The following PXDNL variants were observed in gnomAD, a reference collection of about 807,000 sequenced individuals.
PXDNL encodes probable oxidoreductase PXDNL.
A neutral mutation model predicts 150.8 loss-of-function variants in PXDNL; 145 were observed. That is an observed-to-expected ratio of 0.96 (90% CI 0.84 to 1.10). The LOEUF is 1.10. Among genes scored for constraint, PXDNL ranks in the 50% least tolerant of loss-of-function variants. The pLI is 0.00. For missense variants in PXDNL, 2,087 were observed against 1,873.9 expected (o/e 1.11, Z -2.10); for synonymous variants, 757 against 725.7 (o/e 1.04, Z -0.69).
At chr8:51,766,745 A>ATTT (rs1563314832) in intron 1 of PXDNL, among the ~76,000 whole-genome samples, 11 of 147,872 alleles carry the variant, frequency 7.4e-5, no homozygotes, top group South Asian at 2.1e-4. Flanking sequence ...CTTTTTTTTA[A>ATTT]AAAAAAAAGA....
At chr8:51,536,185 C>A (rs868843694) in intron 4 of PXDNL, among the ~76,000 whole-genome samples, 3 of 152,106 alleles carry the variant, frequency 2.0e-5, no homozygotes, top group African/African-American at 7.2e-5. Flanking sequence ...GGGGATAAAA[C>A]GAGGAGGCTA....
chr8:51,558,627 G>T (rs1286742196), intron 3 of PXDNL, among the ~76,000 whole-genome samples: 1 of 151,906 alleles, frequency 6.6e-6, no homozygotes, highest in Non-Finnish European at 1.5e-5. Flanking sequence ...AAAACTAAAG[G>T]TTTCCCATAA....
rs533757469 is a variant in PXDNL, at chr8:51,457,550, G to T, written c.930C>A (p.Ser310=). 4 of 1,613,538 alleles carry T rather than the reference G, an allele frequency of 2.5e-6. No individual in the cohort carries two copies. The South Asian group carries it at 3.3e-5, about 13-fold the overall frequency. The change falls in exon 9 of 23, where the codon TCC becomes TCA. Residue 310 remains serine (S), a synonymous_variant. Transcript: ENST00000356297. Reference sequence around the variant, plus strand: ...CACTCTGTGTCTTGGCTTCCCCAGCGGAATTTCTGGCCATGCACTGATAGA... The same window carrying T: ...CACTCTGTGTCTTGGCTTCCCCAGCTGAATTTCTGGCCATGCACTGATAGA... ...QGVYQCMARN[S]AGEAKTQSAM...
intron 12 of PXDNL, among the ~76,000 whole-genome samples, chr8:51,430,342 G>T (rs1809220375): frequency 6.6e-6 from 1 of 152,086 alleles, no homozygotes; most frequent in Admixed American, 6.5e-5. Context: ...AAGCTTAAAA[G>T]ATCCAATCCT....
At chr8:51,371,825 G>T in intron 19 of PXDNL, 48 bp downstream of exon 19, 1 of 1,466,336 alleles carries the variant, frequency 6.8e-7, no homozygotes, top group South Asian at 1.2e-5. Flanking sequence ...ATTCAAGCAT[G>T]AGAACATGCA....
intron 14 of PXDNL, among the ~76,000 whole-genome samples, chr8:51,422,284 T>C (rs1451045887): frequency 6.6e-6 from 1 of 152,150 alleles, no homozygotes; most frequent in African/African-American, 2.4e-5. Flanking sequence ...ATAAATGTAA[T>C]GCACTTGAAT....
chr8:51,452,286 C>T (rs1809823728), intron 10 of PXDNL, among the ~76,000 whole-genome samples: 2 of 152,106 alleles, frequency 1.3e-5, no homozygotes, highest in Non-Finnish European at 1.5e-5. Context: ...TTAAAAATAA[C>T]GTTTGGGTCC....
intron 1 of PXDNL, among the ~76,000 whole-genome samples, chr8:51,706,275 G>A (rs527776635): frequency 1.3e-5 from 2 of 152,110 alleles, no homozygotes; most frequent in East Asian, 1.9e-4. Context: ...AGCTGAGATC[G>A]TGCCACTGCA....
intron 9 of PXDNL, among the ~76,000 whole-genome samples, chr8:51,457,151 G>C (rs909710804): frequency 6.6e-6 from 1 of 152,110 alleles, no homozygotes; most frequent in African/African-American, 2.4e-5. Context: ...AATATGTGTT[G>C]GATTAATTCA....
intron 11 of PXDNL, 71 bp downstream of exon 11, chr8:51,448,931 C>G (rs1809742930): frequency 2.5e-6 from 2 of 789,886 alleles, no homozygotes; most frequent in African/African-American, 3.4e-5. Flanking sequence ...TTAATTTAAA[C>G]TATTTTTTTT....
Position 51,447,050 on chromosome 8 carries a change from C to T in PXDNL, c.1479G>A (p.Ser493=), listed in dbSNP as rs766980886. The T allele has an allele frequency of 2.3e-5, 37 of 1,613,868 alleles. No individual in the cohort carries two copies. Among genetic ancestry groups the T allele is most frequent in the African/African-American group, 5.3e-5 (4 of 74,914 alleles). Residue 493 remains serine (S), a synonymous_variant, in exon 12 of 23, where the codon TCG becomes TCA. Transcript: ENST00000356297. ...GCACAGACACCTTTTTCACCCCCAA[C>T]GAACTGACTGCTTGACATTCATATT... The part of the protein sequence containing the change: ...QGQYECQAVS[S]LGVKKVSVQL...
chr8:51,373,493 A>G (rs898148248), intron 18 of PXDNL, among the ~76,000 whole-genome samples: 1 of 152,212 alleles, frequency 6.6e-6, no homozygotes, highest in Admixed American at 6.5e-5. Flanking sequence ...TTTTTAAACT[A>G]TTGCCAATTG....
At chr8:51,457,825 C>G (rs1022959804) in intron 8 of PXDNL, among the ~76,000 whole-genome samples, 158 bp from the exon 9 acceptor site, 3 of 151,878 alleles carry the variant, frequency 2.0e-5, no homozygotes, top group Admixed American at 6.6e-5. Flanking sequence ...ACTTTAAATC[C>G]TAGTTATCTT....
intron 17 of PXDNL, among the ~76,000 whole-genome samples, chr8:51,404,969 C>A (rs986443411): frequency 6.6e-6 from 1 of 152,168 alleles, no homozygotes; most frequent in Non-Finnish European, 1.5e-5. Flanking sequence ...AGTCCTGCCC[C>A]GCAGGGAGGC....
chr8:51,610,454 G>C (rs914227364), intron 2 of PXDNL, among the ~76,000 whole-genome samples: 3 of 152,150 alleles, frequency 2.0e-5, no homozygotes, highest in Admixed American at 1.3e-4. Context: ...AGTATTAATA[G>C]ATAGACCTTT....
chr8:51,765,252 C>T (rs1333788404), intron 1 of PXDNL, among the ~76,000 whole-genome samples: 1 of 152,146 alleles, frequency 6.6e-6, no homozygotes, highest in African/African-American at 2.4e-5. Flanking sequence ...TTCCCCCTTA[C>T]TGTTCTCGTG....
chr8:51,445,696 A>C (rs1809656890), intron 12 of PXDNL, among the ~76,000 whole-genome samples: 1 of 152,190 alleles, frequency 6.6e-6, no homozygotes, highest in Admixed American at 6.5e-5. Context: ...TCCTTACCTC[A>C]TATTTGGTTT....
In PXDNL at chr8:51,784,956, C is replaced by T. The variant is rs532903505; in HGVS notation, c.164+24225G>A. 2.6e-5 allele frequency among the ~76,000 whole-genome samples: 4 copies of T among 152,012 alleles called. No individual in the cohort carries two copies. In the South Asian group the frequency reaches 6.2e-4, roughly 24 times the overall value. The stretch of plus-strand genomic sequence containing the variant: ...TTTGCTTATTGAAATAATGTAAATG[C>T]CCCAGAAAGCAATGCTTCTATGATC... On this transcript the variant is annotated intron_variant, in intron 1 of 22. Transcript: ENST00000356297.
chr8:51,615,911 C>T (rs148085179), intron 2 of PXDNL, among the ~76,000 whole-genome samples: 22 of 152,312 alleles, frequency 1.4e-4, no homozygotes, highest in African/African-American at 4.3e-4. Context: ...GCCATCACCA[C>T]GGCAGCCTGA....
Sources: gnomAD v4.1 joint callset for allele counts (sites outside exome capture counted in the v4.1 genomes callset) on GRCh38, gnomAD v4.1.1 for gene constraint, MANE v1.5 for transcripts, NCBI Gene and HGNC (gene_info 2026-07-23, HGNC 2026-07-21) for gene names.